C8orf34: variants seen among roughly 807,000 people sequenced by gnomAD.
C8orf34 encodes uncharacterized protein C8orf34.
In C8orf34, 65 loss-of-function variants were observed where a neutral mutation model predicts 68.3. The ratio of observed to expected loss-of-function variants is 0.95; its 90% confidence interval spans 0.78 to 1.17. The LOEUF (loss-of-function observed/expected upper bound fraction) is 1.17, where lower values mean the gene tolerates loss of function less well. Among genes scored for constraint, C8orf34 ranks in the 50% most tolerant of loss-of-function variants. The pLI, the probability that C8orf34 is intolerant of heterozygous loss-of-function variation, is 0.00. For missense variants in C8orf34, 664 were observed against 655.4 expected (o/e 1.01, Z -0.14); for synonymous variants, 244 against 241.2 (o/e 1.01, Z -0.11).
chr8:68,345,056 G>A (rs1806224178), intron 1 of C8orf34, among the ~76,000 whole-genome samples: 1 of 151,832 alleles, frequency 6.6e-6, no homozygotes, highest in South Asian at 2.1e-4. Context: ...AACAAAAGGA[G>A]ATACCAAAAG....
chr8:68,420,491 C>A (rs1809916826), intron 1 of C8orf34, among the ~76,000 whole-genome samples: 1 of 151,980 alleles, frequency 6.6e-6, no homozygotes, highest in African/African-American at 2.4e-5. Flanking sequence ...TCCTAGGCCA[C>A]AAATCATTCC....
At chr8:68,676,263 G>T (rs1469900642) in intron 8 of C8orf34, among the ~76,000 whole-genome samples, 2 of 152,058 alleles carry the variant, frequency 1.3e-5, no homozygotes, top group Admixed American at 1.3e-4. Context: ...CAGCCAGGGA[G>T]GTTGAGTCTG....
intron 1 of C8orf34, among the ~76,000 whole-genome samples, chr8:68,375,719 G>T (rs1807763320): frequency 6.6e-6 from 1 of 152,312 alleles, no homozygotes; most frequent in East Asian, 1.9e-4. Flanking sequence ...TAAAATATGT[G>T]TGTGTCTTAC....
intron 8 of C8orf34, among the ~76,000 whole-genome samples, chr8:68,644,435 A>C (rs909878772): frequency 6.6e-6 from 1 of 152,200 alleles, no homozygotes; most frequent in Non-Finnish European, 1.5e-5. Flanking sequence ...GATGGTAATG[A>C]TGAAGTTCTT....
At chr8:68,505,789 C>A (rs367705268) in intron 5 of C8orf34, among the ~76,000 whole-genome samples, 1 of 150,562 alleles carries the variant, frequency 6.6e-6, no homozygotes, top group African/African-American at 2.4e-5. Context: ...GAGAATCAGG[C>A]AAGGGAGAGG....
intron 8 of C8orf34, among the ~76,000 whole-genome samples, chr8:68,673,973 AG>A (rs1208212439): frequency 6.6e-6 from 1 of 152,198 alleles, no homozygotes; most frequent in Non-Finnish European, 1.5e-5. Flanking sequence ...TTAAGGGAAG[AG>A]AACAAGAGTC....
chr8:68,745,168 C>A (rs184488437), intron 10 of C8orf34, among the ~76,000 whole-genome samples: 6 of 152,002 alleles, frequency 3.9e-5, no homozygotes, highest in Non-Finnish European at 7.4e-5. Context: ...AAAATCTTTT[C>A]CAGACAAGCA....
At chr8:68,609,146 C>T (rs1197228545) in intron 7 of C8orf34, among the ~76,000 whole-genome samples, 1 of 151,488 alleles carries the variant, frequency 6.6e-6, no homozygotes, top group Non-Finnish European at 1.5e-5. Context: ...TGAACTCCAG[C>T]CTGGATGACA....
At chr8:68,368,806 A>G (rs1322949539) in intron 1 of C8orf34, among the ~76,000 whole-genome samples, 1 of 152,172 alleles carries the variant, frequency 6.6e-6, no homozygotes, top group Non-Finnish European at 1.5e-5. Context: ...TTTCTGGAAG[A>G]AATTGATTCA....
chr8:68,450,659 A>C (rs1811302982), intron 3 of C8orf34, among the ~76,000 whole-genome samples: 1 of 152,122 alleles, frequency 6.6e-6, no homozygotes, highest in Non-Finnish European at 1.5e-5. Flanking sequence ...ACATTTTGAA[A>C]GGAAGCTTTT....
intron 1 of C8orf34, among the ~76,000 whole-genome samples, chr8:68,359,088 C>T (rs773570788): frequency 1.3e-5 from 2 of 151,988 alleles, no homozygotes; most frequent in Non-Finnish European, 2.9e-5. Flanking sequence ...AAGGAGTAAA[C>T]GTTTCCCCAG....
intron 4 of C8orf34, among the ~76,000 whole-genome samples, chr8:68,485,933 CTT>C (rs1370743686): frequency 6.6e-5 from 10 of 151,750 alleles, no homozygotes; most frequent in African/African-American, 2.4e-4. Flanking sequence ...GATATTCAGT[CTT>C]AATCTTGAAT....
At chr8:68,796,679 ATGT>A (rs1253217549) in intron 12 of C8orf34, among the ~76,000 whole-genome samples, 2 of 152,168 alleles carry the variant, frequency 1.3e-5, no homozygotes, top group East Asian at 3.8e-4. Flanking sequence ...AATGGGGGAA[ATGT>A]TGTCCATTAT....
intron 1 of C8orf34, among the ~76,000 whole-genome samples, chr8:68,331,780 C>CTTTTTTTTTGTT (rs1415208083): frequency 3.0e-5 from 1 of 33,562 alleles, no homozygotes; most frequent in Non-Finnish European, 5.7e-5. Flanking sequence ...CTTTTCTTTC[C>CTTTTTTTTTGTT]TTCTTTTTTT....
intron 1 of C8orf34, among the ~76,000 whole-genome samples, chr8:68,351,872 T>C (rs1806526103): frequency 6.6e-6 from 1 of 152,090 alleles, no homozygotes; most frequent in Admixed American, 6.6e-5. Flanking sequence ...GTGTTGTCAG[T>C]GTTCTGTATT....
chr8:68,471,958 ACACAC>A (rs1372717863), intron 4 of C8orf34, among the ~76,000 whole-genome samples: 1 of 130,898 alleles, frequency 7.6e-6, no homozygotes, highest in African/African-American at 2.7e-5. Flanking sequence ...ACACACACAC[ACACAC>A]AACTCAAATA....
intron 1 of C8orf34, among the ~76,000 whole-genome samples, chr8:68,378,333 T>C (rs1343754152): frequency 6.6e-6 from 1 of 152,138 alleles, no homozygotes; most frequent in Non-Finnish European, 1.5e-5. Context: ...ATTTCTTTCT[T>C]ATTTTTGAGA....
intron 7 of C8orf34, among the ~76,000 whole-genome samples, chr8:68,601,562 TATA>T (rs1357789409): frequency 1.3e-5 from 2 of 152,180 alleles, no homozygotes; most frequent in Non-Finnish European, 2.9e-5. Flanking sequence ...TTTTAACTTT[TATA>T]ATTTGTGCTT....
intron 5 of C8orf34, among the ~76,000 whole-genome samples, chr8:68,509,634 G>C (rs1177978220): frequency 6.6e-6 from 1 of 152,122 alleles, no homozygotes; most frequent in Non-Finnish European, 1.5e-5. Flanking sequence ...TTTTTTAAAG[G>C]AGTCCCAGGG....
Sources: allele counts gnomAD v4.1 joint callset (sites outside exome capture counted in the v4.1 genomes callset), GRCh38; gene constraint gnomAD v4.1.1; transcripts MANE v1.5; gene names NCBI Gene and HGNC (gene_info 2026-07-23, HGNC 2026-07-21).